The following CAMK1D variants were observed in gnomAD, a reference collection of about 807,000 sequenced individuals.
CAMK1D encodes calcium/calmodulin-dependent protein kinase type 1D.
In CAMK1D, 9 loss-of-function variants were observed where a neutral mutation model predicts 47.7. The ratio of observed to expected loss-of-function variants is 0.19; its 90% CI spans 0.11 to 0.33. The LOEUF (loss-of-function observed/expected upper bound fraction) is 0.33. CAMK1D is among the 10% of genes least tolerant of loss of function. The pLI, the probability that CAMK1D is intolerant of heterozygous loss-of-function variation, is 1.00. For missense variants in CAMK1D, 291 were observed against 488.7 expected, an observed-to-expected ratio of 0.60 and a Z score of 3.81; for synonymous variants, 184 against 184.9, an observed-to-expected ratio of 0.99 and a Z score of 0.04.
chr10:12,499,212 GT>G (rs949651490), intron 1 of CAMK1D, among the ~76,000 whole-genome samples: 2 of 152,002 alleles, frequency 1.3e-5, no homozygotes, highest in African/African-American at 4.8e-5. Flanking sequence ...TTCCTATGTG[GT>G]TTTTTTCTTA....
intron 2 of CAMK1D, among the ~76,000 whole-genome samples, chr10:12,617,460 G>A (rs1838858431): frequency 6.6e-6 from 1 of 152,160 alleles, no homozygotes; most frequent in South Asian, 2.1e-4. Flanking sequence ...TTTCCTCAGA[G>A]CAGGGGAACA....
At chr10:12,722,621 G>A (rs1467922569) in intron 3 of CAMK1D, among the ~76,000 whole-genome samples, 1 of 152,140 alleles carries the variant, frequency 6.6e-6, no homozygotes, top group Non-Finnish European at 1.5e-5. Context: ...GCCAAACACT[G>A]GGCACACAAT....
intron 1 of CAMK1D, among the ~76,000 whole-genome samples, chr10:12,469,817 T>A (rs1039836535): frequency 3.3e-5 from 5 of 152,252 alleles, no homozygotes; most frequent in Non-Finnish European, 5.9e-5. Flanking sequence ...ATCTTTTCAG[T>A]CATTGTATAT....
At chr10:12,575,226 G>A (rs1837456996) in intron 2 of CAMK1D, among the ~76,000 whole-genome samples, 1 of 152,098 alleles carries the variant, frequency 6.6e-6, no homozygotes, top group South Asian at 2.1e-4. Context: ...GCAAGTAGCT[G>A]AGATTACAGG....
chr10:12,787,684 C>T (rs932932520), intron 5 of CAMK1D, among the ~76,000 whole-genome samples: 9 of 152,330 alleles, frequency 5.9e-5, no homozygotes, highest in Admixed American at 2.0e-4. Flanking sequence ...TTTACCCCCG[C>T]GTTTGTTTCC....
At chr10:12,703,940 A>G (rs1833631118) in intron 3 of CAMK1D, among the ~76,000 whole-genome samples, 1 of 152,092 alleles carries the variant, frequency 6.6e-6, no homozygotes, top group African/African-American at 2.4e-5. Flanking sequence ...ATAAGCTCTC[A>G]TATTTATTCA....
intron 1 of CAMK1D, among the ~76,000 whole-genome samples, chr10:12,511,693 A>G (rs1835045266): frequency 6.6e-6 from 1 of 152,236 alleles, no homozygotes; most frequent in Admixed American, 6.5e-5. Flanking sequence ...GGTGATGCCC[A>G]GACATTGTTT....
chr10:12,486,902 C>T (rs1324236329), intron 1 of CAMK1D, among the ~76,000 whole-genome samples: 1 of 152,180 alleles, frequency 6.6e-6, no homozygotes, highest in Non-Finnish European at 1.5e-5. Flanking sequence ...CGCACCACTA[C>T]ACCCCAGCGT....
At chr10:12,538,335 A>G (rs540062667) in intron 1 of CAMK1D, among the ~76,000 whole-genome samples, 1 of 152,222 alleles carries the variant, frequency 6.6e-6, no homozygotes, top group African/African-American at 2.4e-5. Context: ...CGTTTATAAG[A>G]GGTGAGACAT....
At chr10:12,674,598 G>GTTTTTTTTT (rs1491441824) in intron 3 of CAMK1D, among the ~76,000 whole-genome samples, 11 of 16,714 alleles carry the variant, frequency 6.6e-4, no homozygotes, top group Non-Finnish European at 1.1e-3. Flanking sequence ...TTGGAAAAAT[G>GTTTTTTTTT]CTTTTTTTTT....
chr10:12,791,273 C>G (rs1289802666), intron 6 of CAMK1D, 40 bp downstream of exon 6: 3 of 1,581,116 alleles, frequency 1.9e-6, no homozygotes, highest in African/African-American at 2.7e-5. Context: ...CCTCTACCGG[C>G]CTTTTTTTGT....
At position 12,833,507 on chromosome 10, in the gene CAMK1D, C is replaced by T. The variant is rs78091588; in HGVS notation, c.*4620C>T. 1 of 152,316 alleles carries T rather than the reference C, an allele frequency of 6.6e-6. No homozygotes were observed. Among genetic ancestry groups the T allele is most frequent in the African/African-American group, 2.4e-5 (1 of 41,468 alleles). 9.4% of individuals were successfully genotyped at this position (152,316 alleles called of 1,614,324 possible). ...TGGCCCCTCACCTCTCCCTCTCCCC[C>T]AGAACCTTGGCCAGAATTGAGTCTT... is the stretch of plus-strand genomic sequence containing the variant. On this transcript the variant is annotated 3_prime_UTR_variant, in exon 11 of 11. Coordinates refer to ENST00000619168, the MANE Select transcript of CAMK1D (RefSeq NM_153498.4).
rs897345994 is a variant in CAMK1D, at chr10:12,831,278, G to A, written c.*2391G>A. ...TATAAGCAGTATTGGAGAACTAGGC[G>A]GTTGCTTACTAAGAAGTGTCTTGGA... On this transcript the variant is annotated 3_prime_UTR_variant, in exon 11 of 11. Coordinates refer to ENST00000619168, the MANE Select transcript of CAMK1D (RefSeq NM_153498.4). 4 of 152,158 alleles carry A rather than the reference G, an allele frequency of 2.6e-5. No homozygotes were observed. Among genetic ancestry groups the A allele is most frequent in the Non-Finnish European group, 4.4e-5 (3 of 68,022 alleles). The allele number at this position is 152,158 out of a possible 1,614,324, so 9.4% of individuals were successfully genotyped here.
At chr10:12,514,804 G>A (rs1471765358) in intron 1 of CAMK1D, among the ~76,000 whole-genome samples, 1 of 152,334 alleles carries the variant, frequency 6.6e-6, no homozygotes. Flanking sequence ...CTAGTGCCGT[G>A]TATTTACTGG....
At chr10:12,803,235 T>C (rs1838561998) in intron 6 of CAMK1D, among the ~76,000 whole-genome samples, 1 of 152,270 alleles carries the variant, frequency 6.6e-6, no homozygotes, top group African/African-American at 2.4e-5. Context: ...ACACATTCAC[T>C]AGAAGTGGTT....
At chr10:12,626,213 A>G (rs1303207262) in intron 2 of CAMK1D, among the ~76,000 whole-genome samples, 3 of 152,120 alleles carry the variant, frequency 2.0e-5, no homozygotes, top group Non-Finnish European at 4.4e-5. Context: ...ATCTTTTTGC[A>G]TTTAACAATA....
chr10:12,496,914 A>G (rs1472444892), intron 1 of CAMK1D, among the ~76,000 whole-genome samples: 1 of 152,104 alleles, frequency 6.6e-6, no homozygotes, highest in Non-Finnish European at 1.5e-5. Flanking sequence ...AACAGGCACC[A>G]GTGTGTGGTG....
intron 2 of CAMK1D, among the ~76,000 whole-genome samples, chr10:12,592,557 C>G (rs1303131305): frequency 6.6e-6 from 1 of 152,192 alleles, no homozygotes; most frequent in Non-Finnish European, 1.5e-5. Context: ...ACCCAACCCC[C>G]CATTCTCTGA....
intron 2 of CAMK1D, among the ~76,000 whole-genome samples, chr10:12,624,764 A>G (rs1185634499): frequency 6.6e-6 from 1 of 152,194 alleles, no homozygotes; most frequent in Non-Finnish European, 1.5e-5. Flanking sequence ...CAATTCAGCT[A>G]TAGTGATGTT....
Sources: gnomAD v4.1 joint callset for allele counts (sites outside exome capture counted in the v4.1 genomes callset) on GRCh38, gnomAD v4.1.1 for gene constraint, MANE v1.5 for transcripts, NCBI Gene and HGNC (gene_info 2026-07-23, HGNC 2026-07-21) for gene names.